The following BRWD1 variants were observed in gnomAD, a reference collection of about 807,000 sequenced individuals.
The protein encoded by BRWD1 is bromodomain and WD repeat-containing protein 1.
BRWD1 carries 82 observed loss-of-function variants against 251.2 expected under a neutral mutation model. The observed-to-expected ratio is 0.33, with a 90% CI of 0.27 to 0.39. The LOEUF (loss-of-function observed/expected upper bound fraction) is 0.39, where lower values mean the gene tolerates loss of function less well. BRWD1 is among the 10% of genes least tolerant of loss of function. The pLI is 1.00. For synonymous variants in BRWD1, 918 were observed against 902.8 expected (o/e 1.02, Z -0.30); for missense variants, 2,233 against 2,711.6 (o/e 0.82, Z 3.92).
chr21:39,189,497 A>C lies in BRWD1; in HGVS notation c.*6762T>G. On this transcript the variant is annotated 3_prime_UTR_variant, in exon 41 of 41. Coordinates refer to ENST00000342449, the MANE Select transcript of BRWD1 (RefSeq NM_033656.4). ...AGATTCTGCAGGAAAAAAAAAACTAAAATCAGGTTTTTAAAAAATACTTAA... is the reference window on the plus strand; with the variant it reads ...AGATTCTGCAGGAAAAAAAAAACTACAATCAGGTTTTTAAAAAATACTTAA... 1 of 979,740 alleles carries C rather than the reference A, an allele frequency of 1.0e-6. No individual in the cohort carries two copies. Among genetic ancestry groups the C allele is most frequent in the Non-Finnish European group, 1.2e-6 (1 of 824,840 alleles). 60.7% of individuals were successfully genotyped at this position (979,740 alleles called of 1,614,324 possible).
chr21:39,189,925 G>T lies in BRWD1; in HGVS notation c.*6334C>A. The T allele has an allele frequency of 1.0e-6, 1 of 985,338 alleles. No homozygotes were observed. The highest frequency in any genetic ancestry group is 1.2e-6 in the Non-Finnish European group (1 of 829,890). The allele number at this position is 985,338 out of a possible 1,614,324, so 61.0% of individuals were successfully genotyped here. On this transcript the variant is annotated 3_prime_UTR_variant, in exon 41 of 41. Coordinates refer to ENST00000342449, the MANE Select transcript of BRWD1 (RefSeq NM_033656.4). ...TCAGTAGAATCCCACCAGTCCTACT[G>T]CCTCAGATGAGTCTTGTTTCAGTCA...
intron 4 of BRWD1, chr21:39,312,634 G>T (rs574880069): frequency 1.2e-3 from 480 of 389,392 alleles, no homozygotes; most frequent in African/African-American, 9.5e-3. Flanking sequence ...GCCCCGCGCC[G>T]CCCCCAATGA....
intron 27 of BRWD1, among the ~76,000 whole-genome samples, chr21:39,226,663 G>C (rs1041206774): frequency 1.6e-4 from 25 of 152,116 alleles, no homozygotes; most frequent in African/African-American, 5.8e-4. Context: ...TTTTCTTCAA[G>C]AAAAATTTTC....
intron 18 of BRWD1, among the ~76,000 whole-genome samples, chr21:39,256,883 A>G (rs1282663133): frequency 6.6e-6 from 1 of 152,196 alleles, no homozygotes; most frequent in Non-Finnish European, 1.5e-5. Flanking sequence ...ACCACACTCT[A>G]TTTACCAATC....
chr21:39,210,252 G>A, intron 35 of BRWD1, 105 bp from the exon 36 acceptor site: 1 of 951,606 alleles, frequency 1.1e-6, no homozygotes, highest in South Asian at 1.9e-5. Context: ...GAGAGGAAAA[G>A]GTTAGAGGAC....
At chr21:39,242,436 C>T (rs981324669) in intron 21 of BRWD1, among the ~76,000 whole-genome samples, 1 of 152,134 alleles carries the variant, frequency 6.6e-6, no homozygotes, top group African/African-American at 2.4e-5. Context: ...GAGGTTGGTT[C>T]ATGAGGTTTA....
chr21:39,309,523 T>A (rs893424226), intron 4 of BRWD1, among the ~76,000 whole-genome samples: 2 of 151,640 alleles, frequency 1.3e-5, no homozygotes, highest in African/African-American at 4.8e-5. Context: ...TCAAACTAAT[T>A]GTAAAAAGAC....
chr21:39,265,165 T>C, intron 15 of BRWD1, 146 bp from the exon 16 acceptor site: 2 of 870,848 alleles, frequency 2.3e-6, no homozygotes, highest in Non-Finnish European at 3.4e-6. Flanking sequence ...GGCTCATACC[T>C]GTAATCCTAG....
chr21:39,313,726 C>G (rs748581327), upstream of BRWD1: 664 of 391,712 alleles, frequency 1.7e-3, 1 homozygote, highest in Non-Finnish European at 2.4e-3. Flanking sequence ...CAAGAGAGGA[C>G]CGGAGCTCGT....
chr21:39,264,530 C>A lies in BRWD1; in HGVS notation c.1815G>T (p.Gln605His). 1 of 1,613,182 alleles carries A rather than the reference C, an allele frequency of 6.2e-7. No individual in the cohort carries two copies. Among genetic ancestry groups the A allele is most frequent in the Non-Finnish European group, 8.5e-7 (1 of 1,179,812 alleles). ...VDGNPHPTKY[Q>H]RLVPGRENSA... ...AATTTTCTCGGCCTGGTACTAATCT[C>A]TGATACTTGGTTGGATGAGGATTTC... Residue 605 changes from glutamine (Q) to histidine (H), a missense_variant, in exon 17 of 41, where the codon CAG (glutamine) becomes CAT (histidine). Gln to His is a conservative substitution (Grantham distance 24). Coordinates refer to ENST00000342449, the MANE Select transcript of BRWD1 (RefSeq NM_033656.4).
Position 39,200,336 on chromosome 21 carries a change from T to C in BRWD1, c.4636A>G (p.Ser1546Gly), listed in dbSNP as rs749219853. The C allele has an allele frequency of 1.2e-6, 2 of 1,614,142 alleles. No individual in the cohort carries two copies. The change falls in exon 39 of 41, where the codon AGT becomes GGT. Residue 1546 changes from serine (S) to glycine (G), a missense_variant. This residue lies in a region of BRWD1 where 928 missense variants were observed against 970.0 expected (regional missense o/e 0.96). Coordinates refer to ENST00000342449, the MANE Select transcript of BRWD1 (RefSeq NM_033656.4). ...CTCTCTTTGCTTTCCTCAGAACTACTGGAAGCTGACGATGACAAAGAGGTA... is the reference window on the plus strand; with the variant it reads ...CTCTCTTTGCTTTCCTCAGAACTACCGGAAGCTGACGATGACAAAGAGGTA... ...LATSLSSSAS[S>G]SSEESKESSR...
At chr21:39,315,039 C>T (rs1021285457), upstream of BRWD1, 1 of 152,192 alleles carries the variant, frequency 6.6e-6, no homozygotes, top group African/African-American at 2.4e-5. Flanking sequence ...GTCTTGCTCT[C>T]AGGCTGGAGT....
chr21:39,215,176 AGAT>A (rs763832978), intron 32 of BRWD1, 58 bp downstream of exon 32: 600 of 1,561,714 alleles, frequency 3.8e-4, no homozygotes, highest in Non-Finnish European at 5.0e-4. Context: ...CGGCAAAACT[AGAT>A]GATTGTTAAT....
intron 17 of BRWD1, among the ~76,000 whole-genome samples, chr21:39,261,062 T>TA (rs1568926590): frequency 6.6e-6 from 1 of 152,082 alleles, no homozygotes; most frequent in Non-Finnish European, 1.5e-5. Context: ...TCATCTGTAC[T>TA]AAAAATACAA....
chr21:39,250,742 ACT>A, intron 20 of BRWD1, 52 bp downstream of exon 20: 3 of 1,115,026 alleles, frequency 2.7e-6, no homozygotes, highest in South Asian at 1.6e-5. Flanking sequence ...CAAAAAGAAA[ACT>A]CTATATTTCA....
Position 39,273,197 on chromosome 21 carries a change from A to G in BRWD1, c.1244+1177T>C, listed in dbSNP as rs545537210. On this transcript the variant is annotated intron_variant, in intron 13 of 40. Transcript: ENST00000342449. ...AGTTTTGACAGTTTCTATTTTCCTT[A>G]ATAAAACAATAATAGGTGAAACTGA... Among the ~76,000 whole-genome samples, 9 of 152,328 alleles carry G rather than the reference A, an allele frequency of 5.9e-5. No individual in the cohort carries two copies. In the South Asian group the frequency reaches 1.0e-3, roughly 18 times the overall value.
At chr21:39,315,320 T>G (rs952618923), upstream of BRWD1, among the ~76,000 whole-genome samples, 1 of 151,982 alleles carries the variant, frequency 6.6e-6, no homozygotes, top group Non-Finnish European at 1.5e-5. Context: ...CTTTTATATA[T>G]ATTTATAAAT....
chr21:39,318,934 T>TTTTA (rs549058903), intron 1 of BRWD1, among the ~76,000 whole-genome samples: 5 of 152,224 alleles, frequency 3.3e-5, no homozygotes, highest in East Asian at 1.9e-4. Flanking sequence ...CTTCGATAGA[T>TTTTA]TTTATTTATT....
At chr21:39,211,758 A>C (rs1400693733) in intron 34 of BRWD1, among the ~76,000 whole-genome samples, 1 of 152,182 alleles carries the variant, frequency 6.6e-6, no homozygotes, top group Non-Finnish European at 1.5e-5. Flanking sequence ...GAAAATGACT[A>C]ATCAAATTAG....
Sources: allele counts gnomAD v4.1 joint callset (sites outside exome capture counted in the v4.1 genomes callset), GRCh38; gene constraint gnomAD v4.1.1; regional missense constraint gnomAD v4.1.1; transcripts MANE v1.5; gene names NCBI Gene and HGNC (gene_info 2026-07-23, HGNC 2026-07-21).